The following PICALM variants were observed in gnomAD, a reference collection of about 807,000 sequenced individuals.
PICALM encodes the protein phosphatidylinositol-binding clathrin assembly protein.
PICALM carries 40 observed loss-of-function variants against 80.5 expected under a neutral mutation model. The ratio of observed to expected loss-of-function variants is 0.50; its 90% CI spans 0.39 to 0.65. PICALM has a LOEUF of 0.65. Ranked by LOEUF, PICALM falls within the 30% of genes least tolerant of loss-of-function variation. PICALM has a pLI of 0.00. For synonymous variants in PICALM, 288 were observed against 260.3 expected, an observed-to-expected ratio of 1.11 and a Z score of -1.02; for missense variants, 676 against 778.9, an observed-to-expected ratio of 0.87 and a Z score of 1.57.
At position 86,008,768 on chromosome 11, in the gene PICALM, AAC is replaced by A. The variant is rs368658772; in HGVS notation, c.766-1187_766-1186del. On this transcript the variant is annotated intron_variant, in intron 7 of 19. Transcript: ENST00000393346. ...GCGTTCTAATTAAACTGCAAGCCCA[AAC>A]ACAGTCTCAAAACAGAATATTTTAA... Among the ~76,000 whole-genome samples the A allele has an allele frequency of 5.9e-5, 9 of 152,150 alleles. No individual in the cohort carries two copies. The East Asian group carries it at 1.7e-3, about 29-fold the overall frequency.
chr11:86,047,708 A>C (rs934741955), intron 1 of PICALM, among the ~76,000 whole-genome samples: 1 of 152,222 alleles, frequency 6.6e-6, no homozygotes, highest in African/African-American at 2.4e-5. Context: ...TTAAGTTATG[A>C]AAATATAACT....
intron 1 of PICALM, among the ~76,000 whole-genome samples, chr11:86,058,832 T>G (rs1336813375): frequency 6.6e-6 from 1 of 152,212 alleles, no homozygotes; most frequent in Non-Finnish European, 1.5e-5. Flanking sequence ...TCTAGAGTTG[T>G]GCAAGGAAGC....
chr11:86,032,557 C>T (rs910588713), intron 1 of PICALM, among the ~76,000 whole-genome samples: 12 of 151,946 alleles, frequency 7.9e-5, no homozygotes, highest in African/African-American at 2.9e-4. Context: ...ACCTGGGAGG[C>T]GGAGGTTGCA....
intron 19 of PICALM, among the ~76,000 whole-genome samples, chr11:85,962,358 A>G (rs148918491): frequency 2.0e-3 from 309 of 152,330 alleles, no homozygotes; most frequent in African/African-American, 7.1e-3. Flanking sequence ...TTTCACCTAC[A>G]GTTAAAACAA....
At chr11:86,042,332 T>A (rs1053728458) in intron 1 of PICALM, among the ~76,000 whole-genome samples, 3 of 152,022 alleles carry the variant, frequency 2.0e-5, no homozygotes, top group African/African-American at 7.2e-5. Flanking sequence ...TTTAAATTTA[T>A]CAGAAATACA....
At chr11:86,048,993 G>A (rs556589576) in intron 1 of PICALM, among the ~76,000 whole-genome samples, 2 of 151,966 alleles carry the variant, frequency 1.3e-5, no homozygotes, top group East Asian at 1.9e-4. Context: ...AAGTGACCAC[G>A]TAAAGAACAA....
intron 3 of PICALM, among the ~76,000 whole-genome samples, chr11:86,024,310 T>C (rs920067942): frequency 6.6e-6 from 1 of 151,776 alleles, no homozygotes; most frequent in Non-Finnish European, 1.5e-5. Flanking sequence ...TCTTCTAGAA[T>C]GTCTGGAAGA....
intron 12 of PICALM, among the ~76,000 whole-genome samples, chr11:85,993,112 G>GTTTTTTTTTTTTTT: frequency 6.8e-6 from 1 of 147,394 alleles, no homozygotes. Context: ...TTAAATAAGA[G>GTTTTTTTTTTTTTT]TCTTGCTCTG....
intron 19 of PICALM, among the ~76,000 whole-genome samples, chr11:85,971,924 A>G (rs2094125736): frequency 6.6e-6 from 1 of 152,040 alleles, no homozygotes; most frequent in Non-Finnish European, 1.5e-5. Flanking sequence ...CTGGGATTCC[A>G]GACATGCACC....
At chr11:85,962,734 A>G (rs1296497963) in intron 19 of PICALM, among the ~76,000 whole-genome samples, 1 of 152,222 alleles carries the variant, frequency 6.6e-6, no homozygotes, top group Non-Finnish European at 1.5e-5. Context: ...GAGACCACCA[A>G]TAAGAAAACA....
At chr11:86,061,412 C>T (rs1458735290) in intron 1 of PICALM, among the ~76,000 whole-genome samples, 2 of 148,178 alleles carry the variant, frequency 1.3e-5, no homozygotes, top group African/African-American at 2.5e-5. Flanking sequence ...AACTCTCAAA[C>T]CTCAACAATA....
intron 1 of PICALM, among the ~76,000 whole-genome samples, chr11:86,047,602 C>G (rs1404633156): frequency 6.6e-6 from 1 of 152,108 alleles, no homozygotes; most frequent in Non-Finnish European, 1.5e-5. Context: ...ATCTTTTGCC[C>G]TAGAGATGTA....
At chr11:86,003,277 A>G in intron 9 of PICALM, 89 bp downstream of exon 9, 1 of 640,064 alleles carries the variant, frequency 1.6e-6, no homozygotes, top group Non-Finnish European at 2.8e-6. Flanking sequence ...CAAGATATAG[A>G]GAAATTAAAC....
At chr11:85,982,973 A>G (rs1196476156) in intron 14 of PICALM, among the ~76,000 whole-genome samples, 1 of 152,246 alleles carries the variant, frequency 6.6e-6, no homozygotes, top group Non-Finnish European at 1.5e-5. Flanking sequence ...CAAAGATGAT[A>G]GTTCACAACA....
chr11:86,007,057 G>A (rs566510929), intron 8 of PICALM, among the ~76,000 whole-genome samples: 53 of 152,176 alleles, frequency 3.5e-4, no homozygotes, highest in African/African-American at 1.3e-3. Flanking sequence ...TGGCACAGCC[G>A]GGACTGAAAT....
rs1399284488 is a variant in PICALM at position 85,981,976 on chromosome 11, T to C, written c.1544A>G (p.Lys515Arg). ...GGFDELGGLLKPTVASQNQNL... is the reference protein window; with the variant it reads ...GGFDELGGLLRPTVASQNQNL... ...CTGGTTCTGAGAGGCCACTGTTGGT[T>C]TGAGAAGTCCACCTAGTTCATCAAA... The change falls in exon 15 of 20, where the codon AAA (lysine) becomes AGA (arginine). Residue 515 changes from lysine (K) to arginine (R), a missense_variant. Coordinates refer to ENST00000393346, the MANE Select transcript of PICALM (RefSeq NM_007166.4). The C allele has an allele frequency of 1.9e-6, 3 of 1,613,486 alleles. No individual in the cohort carries two copies. The highest frequency in any genetic ancestry group is 4.5e-5 in the East Asian group (2 of 44,876).
At chr11:86,061,172 T>C (rs1381915689) in intron 1 of PICALM, among the ~76,000 whole-genome samples, 3 of 151,296 alleles carry the variant, frequency 2.0e-5, no homozygotes, top group Non-Finnish European at 2.9e-5. Flanking sequence ...CTACTAAAAA[T>C]ACAAAAATTA....
At chr11:86,031,137 T>C (rs530948978) in intron 2 of PICALM, among the ~76,000 whole-genome samples, 4 of 150,592 alleles carry the variant, frequency 2.7e-5, no homozygotes, top group African/African-American at 9.8e-5. Context: ...AAACAAAAAA[T>C]CTAACTGGAC....
intron 7 of PICALM, among the ~76,000 whole-genome samples, chr11:86,008,703 T>C (rs1207073407): frequency 6.6e-6 from 1 of 152,076 alleles, no homozygotes; most frequent in Non-Finnish European, 1.5e-5. Flanking sequence ...TCCTCAAACA[T>C]GTTTCAAGAG....
Sources: gnomAD v4.1 joint callset for allele counts (sites outside exome capture counted in the v4.1 genomes callset) on GRCh38, gnomAD v4.1.1 for gene constraint, MANE v1.5 for transcripts, NCBI Gene and HGNC (gene_info 2026-07-23, HGNC 2026-07-21) for gene names.